Variants in TCERG1L observed in about 807,000 individuals in gnomAD.
The protein encoded by TCERG1L is transcription elongation regulator 1 like.
A neutral mutation model predicts 56.3 loss-of-function variants in TCERG1L; 37 were observed. The ratio of observed to expected loss-of-function variants is 0.66; its 90% CI spans 0.51 to 0.87. The LOEUF is 0.87. TCERG1L is among the 40% of genes least tolerant of loss of function. TCERG1L has a pLI of 0.00. For synonymous variants in TCERG1L, 324 were observed against 326.3 expected (o/e 0.99, Z 0.08); for missense variants, 799 against 774.2 (o/e 1.03, Z -0.38).
intron 4 of TCERG1L, among the ~76,000 whole-genome samples, chr10:131,221,146 C>T (rs541270495): frequency 7.2e-5 from 11 of 152,344 alleles, no homozygotes; most frequent in African/African-American, 2.6e-4. Context: ...CTCTCCAACT[C>T]CCTGCAGGCC....
chr10:131,207,731 T>G (rs1047385277), intron 4 of TCERG1L, among the ~76,000 whole-genome samples: 3 of 152,112 alleles, frequency 2.0e-5, no homozygotes, highest in African/African-American at 7.2e-5. Context: ...CTGAGGTCCA[T>G]GCGACCTCAG....
intron 8 of TCERG1L, among the ~76,000 whole-genome samples, chr10:131,121,717 C>T (rs1376501618): frequency 2.6e-5 from 4 of 152,086 alleles, no homozygotes; most frequent in South Asian, 2.1e-4. Context: ...GATGCCCCCT[C>T]GGCCCTGGCC....
At chr10:131,133,859 C>T (rs1228359107) in intron 8 of TCERG1L, among the ~76,000 whole-genome samples, 3 of 152,206 alleles carry the variant, frequency 2.0e-5, no homozygotes, top group Non-Finnish European at 4.4e-5. Flanking sequence ...CTGTGTGCAC[C>T]CTGCAGGAAT....
chr10:131,260,706 C>T lies in TCERG1L; in HGVS notation c.671-262G>A, dbSNP rs895993336. Among the ~76,000 whole-genome samples, 14 of 152,108 alleles carry T rather than the reference C, an allele frequency of 9.2e-5. 1 individual carries two copies. The highest frequency in any genetic ancestry group is 9.2e-4 in the Admixed American group (14 of 15,276). On this transcript the variant is annotated intron_variant, in intron 3 of 11. Coordinates refer to ENST00000368642, the MANE Select transcript of TCERG1L (RefSeq NM_174937.4). This position sits in a 1 kb window ranked among gnomAD's most constrained non-coding sequence, Gnocchi z 5.8. ...AGTGAGCTGCAAGGCTTACAGTCAC[C>T]AGGGGACGAGCCAGGACCCGGGTGC...
At chr10:131,259,531 T>TA (rs1407488414) in intron 4 of TCERG1L, among the ~76,000 whole-genome samples, 3 of 152,136 alleles carry the variant, frequency 2.0e-5, no homozygotes, top group African/African-American at 7.2e-5. Flanking sequence ...AGGTTACAGT[T>TA]AGTGGATGGA....
intron 4 of TCERG1L, among the ~76,000 whole-genome samples, chr10:131,248,216 TCACA>T (rs1564825342): frequency 2.1e-5 from 3 of 144,780 alleles, no homozygotes; most frequent in East Asian, 2.1e-4. Flanking sequence ...CACAACTCTC[TCACA>T]CACAACTCAC....
intron 4 of TCERG1L, among the ~76,000 whole-genome samples, chr10:131,240,782 G>A (rs1417141198): frequency 2.6e-5 from 4 of 152,336 alleles, no homozygotes; most frequent in South Asian, 4.1e-4. Context: ...AGGAGGGGGC[G>A]CGGAGGGACG....
chr10:131,153,905 G>T (rs1280679825), intron 6 of TCERG1L, among the ~76,000 whole-genome samples: 1 of 152,170 alleles, frequency 6.6e-6, no homozygotes, highest in African/African-American at 2.4e-5. Context: ...GGAAATGCAT[G>T]GAGTTGAACC....
Position 131,153,180 on chromosome 10 carries a change from T to C in TCERG1L, c.1035-6520A>G, listed in dbSNP as rs528087706. ...CCTCCCCAGACACTAGGCTGAGTGG[T>C]GTGTGAGGACGCTGGGTGCATGGCC... is the stretch of plus-strand genomic sequence containing the variant. On this transcript the variant is annotated intron_variant, in intron 6 of 11. Coordinates refer to ENST00000368642, the MANE Select transcript of TCERG1L (RefSeq NM_174937.4). Among the ~76,000 whole-genome samples, 325 of 152,150 alleles carry C rather than the reference T, an allele frequency of 2.1e-3. 2 individuals are homozygous for C. The highest frequency in any genetic ancestry group is 7.1e-3 in the African/African-American group (296 of 41,514).
At chr10:131,166,634 G>A (rs753864291) in intron 5 of TCERG1L, among the ~76,000 whole-genome samples, 163 bp downstream of exon 5, 2 of 152,226 alleles carry the variant, frequency 1.3e-5, no homozygotes, top group Non-Finnish European at 2.9e-5. Flanking sequence ...CTGCTCTCTA[G>A]GCCCCGCCTG....
At chr10:131,205,879 C>T (rs942319198) in intron 4 of TCERG1L, among the ~76,000 whole-genome samples, 18 of 152,282 alleles carry the variant, frequency 1.2e-4, no homozygotes, top group South Asian at 6.2e-4. Flanking sequence ...TGGGAAGCTA[C>T]GACAGAGGGC....
chr10:131,268,004 T>C (rs893411446), intron 3 of TCERG1L, among the ~76,000 whole-genome samples: 2 of 152,288 alleles, frequency 1.3e-5, no homozygotes, highest in South Asian at 4.1e-4. Context: ...TGGGCCCAGC[T>C]GCCAGGAGTG....
At chr10:131,296,926 A>T (rs1156399979) in intron 3 of TCERG1L, among the ~76,000 whole-genome samples, 9 of 152,218 alleles carry the variant, frequency 5.9e-5, no homozygotes, top group Non-Finnish European at 1.3e-4. Flanking sequence ...TGAATTTTGT[A>T]CATTGACCTT....
intron 4 of TCERG1L, among the ~76,000 whole-genome samples, chr10:131,246,432 G>A (rs1846038204): frequency 6.6e-6 from 1 of 152,142 alleles, no homozygotes; most frequent in South Asian, 2.1e-4. Flanking sequence ...GGGACCCAGT[G>A]ATGGAGGCTG....
At chr10:131,186,476 A>G (rs1307084329) in intron 4 of TCERG1L, among the ~76,000 whole-genome samples, 1 of 152,232 alleles carries the variant, frequency 6.6e-6, no homozygotes, top group Non-Finnish European at 1.5e-5. Flanking sequence ...AGAGACTGAT[A>G]GAAAAGTTCT....
At chr10:131,131,140 A>C (rs1845614292) in intron 8 of TCERG1L, among the ~76,000 whole-genome samples, 2 of 152,184 alleles carry the variant, frequency 1.3e-5, no homozygotes, top group South Asian at 4.1e-4. Context: ...CAATTCCAGA[A>C]ATCACAGGTG....
intron 4 of TCERG1L, among the ~76,000 whole-genome samples, chr10:131,194,310 G>A (rs1845334409): frequency 6.6e-6 from 1 of 152,224 alleles, no homozygotes; most frequent in African/African-American, 2.4e-5. Context: ...AGGGAGACAG[G>A]TGATATCCCC....
At chr10:131,295,128 T>A (rs528736181) in intron 3 of TCERG1L, among the ~76,000 whole-genome samples, 109 of 152,346 alleles carry the variant, frequency 7.2e-4, no homozygotes, top group Middle Eastern at 3.4e-3. Flanking sequence ...GCTTTTGGGA[T>A]CCACTCACAT....
chr10:131,143,680 C>T (rs558745469), intron 7 of TCERG1L, among the ~76,000 whole-genome samples: 10 of 152,250 alleles, frequency 6.6e-5, no homozygotes, highest in South Asian at 2.1e-4. Context: ...AACGCGGGCA[C>T]GGGTGGGAAC....
Sources: gnomAD v4.1 joint callset for allele counts (sites outside exome capture counted in the v4.1 genomes callset) on GRCh38, gnomAD v4.1.1 for gene constraint, Gnocchi (gnomAD v3.1) non-coding constraint, MANE v1.5 for transcripts, NCBI Gene and HGNC (gene_info 2026-07-23, HGNC 2026-07-21) for gene names.